TMEM106C: variants seen among roughly 807,000 people sequenced by gnomAD.
The protein encoded by TMEM106C is endoplasmic reticulum membrane protein overexpressed in cancer.
TMEM106C carries 27 observed loss-of-function variants against 30.8 expected under a neutral mutation model. That is an observed-to-expected ratio of 0.88 (90% confidence interval 0.65 to 1.21). TMEM106C has a LOEUF of 1.21. Ranked by LOEUF, TMEM106C falls within the 50% of genes most tolerant of loss-of-function variation. The probability of loss-of-function intolerance (pLI) is 0.00; values close to 1 mark genes in which losing one functional copy is unlikely to be tolerated. For synonymous variants in TMEM106C, 123 were observed against 118.8 expected (o/e 1.04, Z -0.23); for missense variants, 288 against 307.8 (o/e 0.94, Z 0.48).
At chr12:47,964,685 G>T (rs577510714) in intron 2 of TMEM106C, 7 of 475,644 alleles carry the variant, frequency 1.5e-5, no homozygotes, top group South Asian at 1.4e-4. Context: ...CTGTGTTGTG[G>T]GATTTGTTGA....
At position 47,964,539 on chromosome 12, in the gene TMEM106C, G is replaced by A. The variant is rs1938157701; in HGVS notation, c.187+116G>A. The A allele has an allele frequency of 4.3e-6, 4 of 928,564 alleles. No individual in the cohort carries two copies. The African/African-American group carries it at 4.9e-5, about 11-fold the overall frequency. The allele number at this position is 928,564 out of a possible 1,614,324, so 57.5% of individuals were successfully genotyped here. On this transcript the variant is annotated intron_variant, in intron 2 of 7. Coordinates refer to ENST00000429772, the MANE Select transcript of TMEM106C (RefSeq NM_001143842.2). The stretch of plus-strand genomic sequence containing the variant: ...ATACCATAATAGAGACAGTGCCCTG[G>A]ACAGGAGCCAGCTCAACTGACTTAA...
chr12:47,966,829 A>C, intron 6 of TMEM106C, 97 bp downstream of exon 6: 2 of 1,360,886 alleles, frequency 1.5e-6, no homozygotes, highest in Non-Finnish European at 2.1e-6. Context: ...CTTAGATCTC[A>C]GCTTTTGACT....
rs1044798615 is a variant in TMEM106C, at chr12:47,967,709, G to T, written c.657-424G>T. Among the ~76,000 whole-genome samples the T allele has an allele frequency of 2.0e-5, 3 of 152,174 alleles. No individual in the cohort carries two copies. In the East Asian group the frequency reaches 5.8e-4, roughly 29 times the overall value. ...CTGCTGCAGACATGAAATATGAGGGGTTAGAGCAGAGTTTCTCAGCCTTGG... is the reference window on the plus strand; with the variant it reads ...CTGCTGCAGACATGAAATATGAGGGTTTAGAGCAGAGTTTCTCAGCCTTGG... On this transcript the variant is annotated intron_variant, in intron 7 of 7. Coordinates refer to ENST00000429772, the MANE Select transcript of TMEM106C (RefSeq NM_001143842.2).
rs1358708127 is a variant in TMEM106C, at chr12:47,968,748, G to T, written c.*519G>T. On this transcript the variant is annotated 3_prime_UTR_variant, in exon 8 of 8. Coordinates refer to ENST00000429772, the MANE Select transcript of TMEM106C (RefSeq NM_001143842.2). ...TTGAAAAGAAAGAAAAAAGTGTGTT[G>T]GCTTTTTTTTTTTTTAGAAAGTTAG... 2 of 134,634 alleles carry T rather than the reference G, an allele frequency of 1.5e-5. No homozygotes were observed. Among genetic ancestry groups the T allele is most frequent in the Non-Finnish European group, 3.0e-5 (2 of 65,980 alleles). The allele number at this position is 134,634 out of a possible 1,614,324, so 8.3% of individuals were successfully genotyped here. A position where few individuals can be genotyped will look rare whatever the true frequency, so the allele number is the denominator to read the frequency against.
At chr12:47,966,660 CA>C (rs1938232462) in intron 5 of TMEM106C, 22 bp from the exon 6 acceptor site, 2 of 1,613,970 alleles carry the variant, frequency 1.2e-6, no homozygotes, top group Non-Finnish European at 1.7e-6. Context: ...GGCCACAGAC[CA>C]ACTCTGGTAT....
intron 7 of TMEM106C, 69 bp downstream of exon 7, chr12:47,967,330 C>G: frequency 6.5e-7 from 1 of 1,540,832 alleles, no homozygotes; most frequent in Non-Finnish European, 9.0e-7. Context: ...CTCAGGAGGC[C>G]CCTGTGTGAC....
At chr12:47,965,679 G>A in intron 3 of TMEM106C, 159 bp from the exon 4 acceptor site, 2 of 932,634 alleles carry the variant, frequency 2.1e-6, no homozygotes, top group Non-Finnish European at 3.3e-6. Flanking sequence ...AGTTTTAAAA[G>A]GTTTCTCCTG....
chr12:47,966,858 G>T, intron 6 of TMEM106C, 126 bp downstream of exon 6: 1 of 933,114 alleles, frequency 1.1e-6, no homozygotes, highest in South Asian at 1.4e-5. Context: ...CCCTGGCTTT[G>T]GATGTCTTGA....
Position 47,964,395 on chromosome 12 carries a change from G to A in TMEM106C, c.159G>A (p.Thr53=). 6.2e-7 allele frequency: 1 copy of A among 1,614,172 alleles called. No individual in the cohort carries two copies. The highest frequency in any genetic ancestry group is 8.5e-7 in the Non-Finnish European group (1 of 1,180,028). ...FTGRDSITCL[T]CQGTGYIPTE... is the part of the protein sequence containing the mutation. ...GGAGAGATAGCATCACCTGTCTCAC[G>A]TGCCAGGGGACAGGCTACATTCCAA... is the stretch of plus-strand genomic sequence containing the variant. The change falls in exon 2 of 8, where the codon ACG becomes ACA. Residue 53 remains threonine, a synonymous_variant. Transcript: ENST00000429772.
chr12:47,964,278 C>G lies in TMEM106C; in HGVS notation c.42C>G (p.Cys14Trp), dbSNP rs1938146257. The G allele has an allele frequency of 1.2e-6, 2 of 1,613,952 alleles. No homozygotes were observed. The highest frequency in any genetic ancestry group is 8.5e-7 in the Non-Finnish European group (1 of 1,179,920). Reference protein sequence around the residue: ...QHSAAARPSSCRRKQEDDRDG... With the variant: ...QHSAAARPSSWRRKQEDDRDG... The stretch of plus-strand genomic sequence containing the variant: ...CCGCTGCTGCTCGCCCCTCCTCCTG[C>G]AGGCGAAAGCAAGAAGATGACAGGG... Residue 14 changes from cysteine to tryptophan, a missense_variant, in exon 2 of 8, where the codon TGC becomes TGG. By Grantham distance (215) the Cys-to-Trp change is radical. Transcript: ENST00000429772.
chr12:47,966,113 A>G lies in TMEM106C; in HGVS notation c.436A>G (p.Asn146Asp), dbSNP rs1228542390. Residue 146 changes from asparagine to aspartate, a missense_variant, in exon 5 of 8, where the codon AAC (asparagine) becomes GAC (aspartate). Transcript: ENST00000429772. ...GGCCACCCTGAAAATCAGGAACTCCAACTTCTACACGGTGGCAGTGACCAG... is the reference window on the plus strand; with the variant it reads ...GGCCACCCTGAAAATCAGGAACTCCGACTTCTACACGGTGGCAGTGACCAG... ...IMATLKIRNSNFYTVAVTSLS... is the reference protein window; with the variant it reads ...IMATLKIRNSDFYTVAVTSLS... The G allele has an allele frequency of 6.2e-7, 1 of 1,614,170 alleles. No individual in the cohort carries two copies. The highest frequency in any genetic ancestry group is 8.5e-7 in the Non-Finnish European group (1 of 1,180,032).
intron 3 of TMEM106C, 110 bp downstream of exon 3, chr12:47,965,455 C>T: frequency 9.6e-7 from 1 of 1,036,764 alleles, no homozygotes. Flanking sequence ...TTATAAGTTC[C>T]CCATTTTCCT....
chr12:47,965,497 C>T, intron 3 of TMEM106C, 152 bp downstream of exon 3: 3 of 722,256 alleles, frequency 4.2e-6, no homozygotes, highest in Non-Finnish European at 2.3e-6. Flanking sequence ...GATATCTCTG[C>T]CCCCATCACA....
chr12:47,965,444 C>A, intron 3 of TMEM106C, 99 bp downstream of exon 3: 1 of 1,113,304 alleles, frequency 9.0e-7, no homozygotes, highest in African/African-American at 1.6e-5. Flanking sequence ...TACACATGTT[C>A]TTATAAGTTC....
chr12:47,967,343 C>A (rs1386601300), intron 7 of TMEM106C, 82 bp downstream of exon 7: 14 of 1,450,172 alleles, frequency 9.7e-6, no homozygotes, highest in Non-Finnish European at 7.8e-6. Flanking sequence ...TGTGTGACCA[C>A]AGGGCAGAGG....
chr12:47,968,097 A>C (rs772091058), intron 7 of TMEM106C, 36 bp from the exon 8 acceptor site: 6 of 1,570,958 alleles, frequency 3.8e-6, no homozygotes. Context: ...TCATCCCCCA[A>C]ACATAATTAA....
At chr12:47,967,136 G>A (rs1938255829) in intron 6 of TMEM106C, 72 bp from the exon 7 acceptor site, 1 of 1,514,604 alleles carries the variant, frequency 6.6e-7, no homozygotes, top group Non-Finnish European at 9.1e-7. Context: ...ACAGGACAGT[G>A]TAACTCTGCA....
At position 47,968,305 on chromosome 12, in the gene TMEM106C, C is replaced by T; in HGVS notation, c.*76C>T. 8.7e-7 allele frequency: 1 copy of T among 1,148,192 alleles called. No homozygotes were observed. Among genetic ancestry groups the T allele is most frequent in the Non-Finnish European group, 1.3e-6 (1 of 765,002 alleles). The allele number at this position is 1,148,192 out of a possible 1,614,324, so 71.1% of individuals were successfully genotyped here. On this transcript the variant is annotated 3_prime_UTR_variant, in exon 8 of 8. Coordinates refer to ENST00000429772, the MANE Select transcript of TMEM106C (RefSeq NM_001143842.2). Reference sequence around the variant, plus strand: ...ATGTTCCCAAGGCCTGAGTTCTGGACCTACCCCCACGTGGTGTAAGCAGAG... The same window carrying T: ...ATGTTCCCAAGGCCTGAGTTCTGGATCTACCCCCACGTGGTGTAAGCAGAG...
chr12:47,966,542 A>G, intron 5 of TMEM106C, 141 bp from the exon 6 acceptor site: 6 of 960,788 alleles, frequency 6.2e-6, no homozygotes, highest in African/African-American at 3.2e-5. Context: ...TTAGAGGCTC[A>G]TAGACTATAT....
Sources: gnomAD v4.1 joint callset for allele counts (sites outside exome capture counted in the v4.1 genomes callset) on GRCh38, gnomAD v4.1.1 for gene constraint, MANE v1.5 for transcripts, NCBI Gene and HGNC (gene_info 2026-07-23, HGNC 2026-07-21) for gene names.